The following XRCC5 variants were observed in gnomAD, a reference collection of about 807,000 sequenced individuals.
XRCC5 encodes the protein DNA repair protein Ku80.
XRCC5 carries 12 observed loss-of-function variants against 95.7 expected under a neutral mutation model. That is an observed-to-expected ratio of 0.13 (90% confidence interval 0.08 to 0.20). The LOEUF is 0.20. Among genes scored for constraint, XRCC5 ranks in the 10% least tolerant of loss-of-function variants. XRCC5 has a pLI of 1.00. For missense variants in XRCC5, 595 were observed against 873.9 expected (o/e 0.68, Z 4.02); for synonymous variants, 281 against 290.3 (o/e 0.97, Z 0.33).
At chr2:216,164,301 T>C (rs976651351) in intron 16 of XRCC5, among the ~76,000 whole-genome samples, 8 of 152,236 alleles carry the variant, frequency 5.3e-5, no homozygotes, top group East Asian at 1.9e-4. Flanking sequence ...CTGTGGTTGG[T>C]GTAGGCATGG....
At chr2:216,113,234 G>C in intron 2 of XRCC5, 105 bp downstream of exon 2, 3 of 893,056 alleles carry the variant, frequency 3.4e-6, no homozygotes, top group East Asian at 2.5e-5. Flanking sequence ...CAGCCCCTCT[G>C]TTTGGGGGGA....
rs1696821862 is a variant in XRCC5, at chr2:216,122,083, G to A, written c.513G>A (p.Lys171=). 1.2e-6 allele frequency: 2 copies of A among 1,612,234 alleles called. No homozygotes were observed. The highest frequency in any genetic ancestry group is 1.3e-5 in the African/African-American group (1 of 74,810). Residue 171 remains lysine (K), a synonymous_variant, in exon 6 of 21, where the codon AAG becomes AAA. Coordinates refer to ENST00000392132, the MANE Select transcript of XRCC5 (RefSeq NM_021141.4). ...ATAGCTTGCCTTTCTCACTTGGCAA[G>A]GAAGATGGAAGTGGGGACAGAGGAG... The part of the protein sequence containing the change: ...LQFFLPFSLG[K]EDGSGDRGDG...
intron 16 of XRCC5, among the ~76,000 whole-genome samples, chr2:216,177,359 T>G (rs1206705738): frequency 6.6e-6 from 1 of 152,196 alleles, no homozygotes; most frequent in Non-Finnish European, 1.5e-5. Flanking sequence ...GCTTGGGTCA[T>G]GAGATCCTAG....
At chr2:216,162,885 T>G (rs1449018731) in intron 16 of XRCC5, among the ~76,000 whole-genome samples, 1 of 152,224 alleles carries the variant, frequency 6.6e-6, no homozygotes, top group Non-Finnish European at 1.5e-5. Context: ...AAAATAGCTT[T>G]CAGGGATGCA....
intron 10 of XRCC5, among the ~76,000 whole-genome samples, chr2:216,134,267 T>G (rs1439548237): frequency 6.6e-6 from 1 of 152,240 alleles, no homozygotes; most frequent in African/African-American, 2.4e-5. Context: ...TTTTTTGTAT[T>G]GAGAATCTAT....
intron 19 of XRCC5, among the ~76,000 whole-genome samples, chr2:216,203,292 A>G (rs188068090): frequency 3.9e-4 from 60 of 152,276 alleles, no homozygotes; most frequent in Middle Eastern, 6.8e-3. Context: ...CTGGCCCCCA[A>G]AGGAAAAGTA....
intron 16 of XRCC5, among the ~76,000 whole-genome samples, chr2:216,172,469 C>CTTTTCT (rs1553576428): frequency 1.5e-4 from 16 of 107,744 alleles, no homozygotes; most frequent in African/African-American, 6.3e-4. Context: ...CTTTTCTTTT[C>CTTTTCT]TTTTTTTTTT....
intron 16 of XRCC5, chr2:216,175,416 G>T: frequency 1.9e-6 from 1 of 518,198 alleles, no homozygotes; most frequent in South Asian, 1.4e-5. Flanking sequence ...TGATCCTGCA[G>T]ACTGCATCTC....
intron 16 of XRCC5, among the ~76,000 whole-genome samples, chr2:216,170,976 C>CTTAA (rs1338615395): frequency 4.6e-5 from 7 of 152,146 alleles, no homozygotes; most frequent in African/African-American, 1.7e-4. Context: ...AAGATTGCTC[C>CTTAA]TTAAGCCCAG....
At position 216,137,948 on chromosome 2, in the gene XRCC5, C is replaced by G. The variant is rs1268917987; in HGVS notation, c.1252-141C>G. The G allele has an allele frequency of 7.7e-6, 5 of 652,102 alleles. No homozygotes were observed. The East Asian group carries it at 1.1e-4, about 15-fold the overall frequency. The allele number at this position is 652,102 out of a possible 1,614,324, so 40.4% of individuals were successfully genotyped here. On this transcript the variant is annotated intron_variant, in intron 11 of 20. Transcript: ENST00000392132. ...ACAGCCAGTAGCAGAAGTCAAAACA[C>G]TTCACTTTTCATATGCCAGAGTTGG...
At chr2:216,187,819 A>ACT (rs1433803805) in intron 16 of XRCC5, among the ~76,000 whole-genome samples, 253 of 50,908 alleles carry the variant, frequency 5.0e-3, no homozygotes, top group Non-Finnish European at 7.3e-3. Flanking sequence ...ACACACACAC[A>ACT]CACTCTCTCT....
intron 16 of XRCC5, among the ~76,000 whole-genome samples, chr2:216,171,137 C>T (rs1689157973): frequency 6.6e-6 from 1 of 152,204 alleles, no homozygotes; most frequent in South Asian, 2.1e-4. Context: ...AAAATAGTCA[C>T]TAATGAACTG....
chr2:216,112,407 C>A (rs1417102204), intron 1 of XRCC5, among the ~76,000 whole-genome samples: 1 of 152,224 alleles, frequency 6.6e-6, no homozygotes, highest in South Asian at 2.1e-4. Context: ...CCAGTGCATA[C>A]TTCTATCATG....
chr2:216,136,647 T>C (rs993892561), intron 10 of XRCC5, among the ~76,000 whole-genome samples: 14 of 152,198 alleles, frequency 9.2e-5, no homozygotes, highest in Admixed American at 6.5e-4. Context: ...CTTCAGAGGA[T>C]AATTTCATTA....
intron 16 of XRCC5, among the ~76,000 whole-genome samples, chr2:216,180,148 G>A (rs926775248): frequency 6.6e-6 from 1 of 152,222 alleles, no homozygotes; most frequent in Non-Finnish European, 1.5e-5. Flanking sequence ...AAATCGTGGA[G>A]AAGGAGCCAT....
chr2:216,138,028 A>C (rs964327049), intron 11 of XRCC5, 61 bp from the exon 12 acceptor site: 10 of 1,381,810 alleles, frequency 7.2e-6, no homozygotes, highest in Non-Finnish European at 1.0e-5. Flanking sequence ...ATTTGGGATC[A>C]GTTTTATATT....
chr2:216,196,384 ACT>A (rs1250570718), intron 19 of XRCC5, among the ~76,000 whole-genome samples: 4 of 152,092 alleles, frequency 2.6e-5, no homozygotes, highest in Admixed American at 2.0e-4. Context: ...ATGCCATTTA[ACT>A]GTTTGGTTTT....
chr2:216,200,124 C>T (rs1190452964), intron 19 of XRCC5, among the ~76,000 whole-genome samples: 1 of 152,058 alleles, frequency 6.6e-6, no homozygotes, highest in Non-Finnish European at 1.5e-5. Flanking sequence ...GGAATCCAGA[C>T]CCCCAGATGC....
chr2:216,154,763 C>T (rs949401885), intron 14 of XRCC5, among the ~76,000 whole-genome samples: 1 of 152,180 alleles, frequency 6.6e-6, no homozygotes, highest in African/African-American at 2.4e-5. Context: ...TGGTAGTTCA[C>T]AGATTCCTTG....
Sources: allele counts gnomAD v4.1 joint callset (sites outside exome capture counted in the v4.1 genomes callset), GRCh38; gene constraint gnomAD v4.1.1; transcripts MANE v1.5; gene names NCBI Gene and HGNC (gene_info 2026-07-23, HGNC 2026-07-21).